PRKCA: variants seen among roughly 807,000 people sequenced by gnomAD.
PRKCA encodes the protein protein kinase C alpha type.
PRKCA carries 27 observed loss-of-function variants against 87.0 expected under a neutral mutation model. The ratio of observed to expected loss-of-function variants is 0.31; its 90% CI spans 0.23 to 0.43. The LOEUF (loss-of-function observed/expected upper bound fraction) is 0.43, where lower values mean the gene tolerates loss of function less well. Ranked by LOEUF, PRKCA falls within the 20% of genes least tolerant of loss-of-function variation. The pLI is 1.00. For missense variants in PRKCA, 518 were observed against 852.3 expected (o/e 0.61, Z 4.88); for synonymous variants, 329 against 311.1 (o/e 1.06, Z -0.61).
chr17:66,669,067 A>T (rs958519932), intron 5 of PRKCA, among the ~76,000 whole-genome samples: 2 of 151,862 alleles, frequency 1.3e-5, no homozygotes, highest in African/African-American at 4.8e-5. Context: ...TCATCACTGC[A>T]CTCCAGCCTG....
Position 66,562,585 on chromosome 17 carries a change from G to GT in PRKCA, c.288+66311dup, listed in dbSNP as rs10523714. On this transcript the variant is annotated intron_variant, in intron 3 of 16. Transcript: ENST00000413366. ...TATGTGAAAATAATAGCTAAGTTTT[G>GT]TTTTTTTTTGTTGTTGTTGTTGTTG... Among the ~76,000 whole-genome samples, 113 of 149,144 alleles carry GT rather than the reference G, an allele frequency of 7.6e-4. 2 individuals are homozygous for GT. The highest frequency in any genetic ancestry group is 2.1e-3 in the African/African-American group (85 of 40,838).
intron 3 of PRKCA, among the ~76,000 whole-genome samples, chr17:66,519,767 A>T (rs1198758845): frequency 6.6e-6 from 1 of 152,202 alleles, no homozygotes; most frequent in Non-Finnish European, 1.5e-5. Flanking sequence ...CACACCACAG[A>T]TCTTCTGAAG....
intron 2 of PRKCA, among the ~76,000 whole-genome samples, chr17:66,484,797 G>C (rs1411753524): frequency 1.3e-5 from 2 of 151,978 alleles, no homozygotes; most frequent in Non-Finnish European, 2.9e-5. Flanking sequence ...TTTCTTGCTG[G>C]AGTCTTATTA....
At chr17:66,561,070 G>C (rs1567898926) in intron 3 of PRKCA, among the ~76,000 whole-genome samples, 1 of 152,098 alleles carries the variant, frequency 6.6e-6, no homozygotes, top group Non-Finnish European at 1.5e-5. Context: ...TGAGGAGGTG[G>C]GCCTGTGGAG....
In PRKCA at chr17:66,691,962, G is replaced by C. The variant is rs534666341; in HGVS notation, c.918+2915G>C. ...TGAGTTCAGCTTTTTATAAAGGTCA[G>C]AGTTCTAAACAAACAAACAAAATAC... On this transcript the variant is annotated intron_variant, in intron 8 of 16. Coordinates refer to ENST00000413366, the MANE Select transcript of PRKCA (RefSeq NM_002737.3). 3.3e-5 allele frequency among the ~76,000 whole-genome samples: 5 copies of C among 152,350 alleles called. No homozygotes were observed. In the East Asian group the frequency reaches 9.6e-4, roughly 29 times the overall value.
chr17:66,692,548 T>C (rs1405771461), intron 8 of PRKCA, among the ~76,000 whole-genome samples: 1 of 152,174 alleles, frequency 6.6e-6, no homozygotes, highest in Non-Finnish European at 1.5e-5. Flanking sequence ...GCATCCACAT[T>C]TGAGCAGTTC....
rs150170893 is a variant in PRKCA at position 66,691,185 on chromosome 17, G to A, written c.918+2138G>A. On this transcript the variant is annotated intron_variant, in intron 8 of 16. Coordinates refer to ENST00000413366, the MANE Select transcript of PRKCA (RefSeq NM_002737.3). ...TTAGAACTCTGTGTAGGTCAAATAT[G>A]CATCTATTGCTTTAGACACCAGTAG... Among the ~76,000 whole-genome samples the A allele has an allele frequency of 6.2e-4, 95 of 152,184 alleles. 1 individual carries two copies. In the East Asian group the frequency reaches 0.016, roughly 26 times the overall value.
chr17:66,478,079 G>A (rs1915611895), intron 2 of PRKCA, among the ~76,000 whole-genome samples: 2 of 152,264 alleles, frequency 1.3e-5, no homozygotes, highest in East Asian at 3.9e-4. Flanking sequence ...ATGATTTTGA[G>A]TGCTTCAATG....
At chr17:66,687,784 G>C (rs186257968) in intron 6 of PRKCA, among the ~76,000 whole-genome samples, 13 of 152,306 alleles carry the variant, frequency 8.5e-5, no homozygotes, top group Admixed American at 5.9e-4. Context: ...TTCAGAGGTA[G>C]AGAAGGGGAA....
At chr17:66,390,132 G>T (rs1279915824) in intron 2 of PRKCA, among the ~76,000 whole-genome samples, 2 of 152,204 alleles carry the variant, frequency 1.3e-5, no homozygotes, top group Non-Finnish European at 2.9e-5. Flanking sequence ...TGAGGCAGGA[G>T]AATCGCTTGA....
At chr17:66,454,941 C>G (rs2143938426) in intron 2 of PRKCA, among the ~76,000 whole-genome samples, 1 of 152,280 alleles carries the variant, frequency 6.6e-6, no homozygotes, top group Middle Eastern at 3.4e-3. Flanking sequence ...CAGGTGAGGG[C>G]AGGTGCCTGA....
intron 3 of PRKCA, among the ~76,000 whole-genome samples, chr17:66,559,255 G>A (rs899797164): frequency 8.3e-4 from 126 of 151,874 alleles, no homozygotes; most frequent in African/African-American, 2.9e-3. Flanking sequence ...GATGGGTCAC[G>A]AGGTCAGGAG....
chr17:66,550,495 A>C (rs1968292204), intron 3 of PRKCA, among the ~76,000 whole-genome samples: 1 of 152,104 alleles, frequency 6.6e-6, no homozygotes, highest in Admixed American at 6.6e-5. Flanking sequence ...CTAAAAATAC[A>C]AAAATTAGCT....
intron 2 of PRKCA, among the ~76,000 whole-genome samples, chr17:66,328,438 A>G (rs1598594183): frequency 6.6e-6 from 1 of 151,606 alleles, no homozygotes; most frequent in Non-Finnish European, 1.5e-5. Flanking sequence ...TGAAAGGAAA[A>G]CCCTTCTAGG....
chr17:66,419,127 A>G (rs897094829), intron 2 of PRKCA, among the ~76,000 whole-genome samples: 1 of 152,038 alleles, frequency 6.6e-6, no homozygotes, highest in African/African-American at 2.4e-5. Context: ...GCGTATATAC[A>G]TGGGCTCAAT....
chr17:66,477,283 G>A (rs75777055), intron 2 of PRKCA, among the ~76,000 whole-genome samples: 2,168 of 152,288 alleles, frequency 0.014, 39 homozygotes, highest in African/African-American at 0.049. Flanking sequence ...TTGGAAATAA[G>A]GCATAAACGT....
chr17:66,339,156 T>C (rs943823589), intron 2 of PRKCA, among the ~76,000 whole-genome samples: 2 of 152,172 alleles, frequency 1.3e-5, no homozygotes, highest in African/African-American at 4.8e-5. Context: ...AACCAAGAGA[T>C]AGAGGATGGC....
chr17:66,532,312 A>AC (rs1407917900), intron 3 of PRKCA, among the ~76,000 whole-genome samples: 5 of 29,032 alleles, frequency 1.7e-4, no homozygotes, highest in African/African-American at 6.3e-4. Context: ...CCCCACCCCC[A>AC]CCCACTGACT....
At chr17:66,613,466 G>A (rs1249178711) in intron 3 of PRKCA, among the ~76,000 whole-genome samples, 3 of 152,116 alleles carry the variant, frequency 2.0e-5, no homozygotes, top group South Asian at 4.2e-4. Flanking sequence ...TACCAAACTC[G>A]TTTTCTTAAA....
Sources: gnomAD v4.1 joint callset for allele counts (sites outside exome capture counted in the v4.1 genomes callset) on GRCh38, gnomAD v4.1.1 for gene constraint, MANE v1.5 for transcripts, NCBI Gene and HGNC (gene_info 2026-07-23, HGNC 2026-07-21) for gene names.